The following LTBP1 variants were observed in gnomAD, a reference collection of about 807,000 sequenced individuals.
LTBP1 encodes latent-transforming growth factor beta-binding protein 1.
In LTBP1, 129 loss-of-function variants were observed where a neutral mutation model predicts 207.6. The observed-to-expected ratio is 0.62, with a 90% CI of 0.54 to 0.72. The LOEUF is 0.72. Ranked by LOEUF, LTBP1 falls within the 30% of genes least tolerant of loss-of-function variation. The probability of loss-of-function intolerance (pLI) is 0.00; values close to 1 mark genes in which losing one functional copy is unlikely to be tolerated. For missense variants in LTBP1, 2,281 were observed against 2,217.2 expected (o/e 1.03, Z -0.58); for synonymous variants, 963 against 833.7 (o/e 1.16, Z -2.67).
At position 33,003,333 on chromosome 2, in the gene LTBP1, C is replaced by T. The variant is rs1417530498; in HGVS notation, c.566-17576C>T. Among the ~76,000 whole-genome samples the T allele has an allele frequency of 1.3e-5, 2 of 152,294 alleles. 1 individual carries two copies. Among genetic ancestry groups the T allele is most frequent in the South Asian group, 4.1e-4 (2 of 4,824 alleles). On this transcript the variant is annotated intron_variant, in intron 2 of 33. Transcript: ENST00000404816. ...ACTAACTTCACTCCCTGCTTTGCTC[C>T]CCCTCCAAATGAGGCTTCTTTCAAC...
At chr2:33,163,056 A>G (rs2084597511) in intron 5 of LTBP1, among the ~76,000 whole-genome samples, 1 of 152,184 alleles carries the variant, frequency 6.6e-6, no homozygotes, top group Non-Finnish European at 1.5e-5. Context: ...ATCTCGGCTC[A>G]CTGCAACTTC....
chr2:33,256,009 G>T (rs991376430), intron 11 of LTBP1, among the ~76,000 whole-genome samples: 2 of 151,420 alleles, frequency 1.3e-5, no homozygotes, highest in Non-Finnish European at 2.9e-5. Context: ...TCTCCCCCTT[G>T]CCTTTCCCCT....
intron 2 of LTBP1, among the ~76,000 whole-genome samples, chr2:33,007,736 G>A (rs565365945): frequency 1.8e-4 from 28 of 152,316 alleles, no homozygotes; most frequent in Non-Finnish European, 2.2e-4. Context: ...ATTTTGGAGC[G>A]TGTGGGGGAT....
At chr2:33,043,020 A>G (rs928355858) in intron 3 of LTBP1, among the ~76,000 whole-genome samples, 4 of 152,100 alleles carry the variant, frequency 2.6e-5, no homozygotes, top group Admixed American at 6.5e-5. Context: ...GTTTGTGTAC[A>G]TGAGTATTTT....
chr2:33,299,631 G>A (rs2093946130), intron 20 of LTBP1, among the ~76,000 whole-genome samples: 1 of 152,174 alleles, frequency 6.6e-6, no homozygotes, highest in African/African-American at 2.4e-5. Context: ...ACATTCTGAG[G>A]CTGTATTTGC....
chr2:33,013,929 T>G (rs534786245), intron 2 of LTBP1, among the ~76,000 whole-genome samples: 2 of 152,172 alleles, frequency 1.3e-5, no homozygotes, highest in Admixed American at 6.5e-5. Context: ...CTTTGTGACT[T>G]GTAGTCCCTT....
At chr2:33,164,493 G>A (rs975642398) in intron 5 of LTBP1, among the ~76,000 whole-genome samples, 2 of 151,730 alleles carry the variant, frequency 1.3e-5, no homozygotes, top group Non-Finnish European at 2.9e-5. Flanking sequence ...ATGTGTTTAG[G>A]ATGTGGGCCT....
At chr2:33,288,758 G>A (rs1194584726) in intron 19 of LTBP1, among the ~76,000 whole-genome samples, 1 of 151,838 alleles carries the variant, frequency 6.6e-6, no homozygotes, top group African/African-American at 2.4e-5. Flanking sequence ...AGGAGGCTGA[G>A]GCAGGAGAAT....
chr2:33,309,566 G>A lies in LTBP1; in HGVS notation c.3604+10G>A. 2 of 1,600,910 alleles carry A rather than the reference G, an allele frequency of 1.2e-6. No homozygotes were observed. Among genetic ancestry groups the A allele is most frequent in the African/African-American group, 1.3e-5 (1 of 74,154 alleles). On this transcript the variant is annotated intron_variant, in intron 23 of 33. Transcript: ENST00000404816. ...AATAAAACATGTCAAGGTATTTCTTGCTCTTTTTTCCCCAGTCATTATTTA... is the reference window on the plus strand; with the variant it reads ...AATAAAACATGTCAAGGTATTTCTTACTCTTTTTTCCCCAGTCATTATTTA...
intron 2 of LTBP1, among the ~76,000 whole-genome samples, chr2:32,998,150 C>T (rs1289811170): frequency 1.3e-5 from 2 of 152,258 alleles, no homozygotes; most frequent in African/African-American, 4.8e-5. Context: ...ACCTAATAAT[C>T]AAATGGATCA....
intron 2 of LTBP1, among the ~76,000 whole-genome samples, chr2:32,996,872 G>C (rs1047844284): frequency 3.0e-4 from 45 of 152,028 alleles, no homozygotes; most frequent in African/African-American, 1.1e-3. Flanking sequence ...GGGTGGTATG[G>C]GTGGAACTTT....
intron 5 of LTBP1, among the ~76,000 whole-genome samples, chr2:33,136,110 T>G (rs2082125910): frequency 6.6e-6 from 1 of 152,208 alleles, no homozygotes; most frequent in East Asian, 1.9e-4. Context: ...TCAAAGCATA[T>G]TTTTGATCGT....
chr2:33,251,477 G>A (rs970745575), intron 10 of LTBP1, among the ~76,000 whole-genome samples: 4 of 152,092 alleles, frequency 2.6e-5, no homozygotes, highest in South Asian at 2.1e-4. Flanking sequence ...TGGCTAACAC[G>A]GTGAAACCCT....
intron 3 of LTBP1, among the ~76,000 whole-genome samples, chr2:33,105,336 A>G (rs1164118745): frequency 2.0e-5 from 3 of 152,214 alleles, no homozygotes; most frequent in Non-Finnish European, 4.4e-5. Context: ...ATGTACATTA[A>G]TTGTTTAAAA....
At chr2:33,355,834 G>T (rs1025791213) in intron 26 of LTBP1, among the ~76,000 whole-genome samples, 1 of 152,128 alleles carries the variant, frequency 6.6e-6, no homozygotes, top group African/African-American at 2.4e-5. Context: ...CTAGGTGTGC[G>T]TGTGTGTCCT....
At chr2:33,187,287 G>T (rs1293937762) in intron 6 of LTBP1, among the ~76,000 whole-genome samples, 1 of 152,134 alleles carries the variant, frequency 6.6e-6, no homozygotes, top group Non-Finnish European at 1.5e-5. Context: ...TAGTGTCTAG[G>T]AAATAAGAAA....
chr2:33,340,213 G>A (rs73925692), intron 24 of LTBP1, among the ~76,000 whole-genome samples: 2,466 of 146,672 alleles, frequency 0.017, 82 homozygotes, highest in African/African-American at 0.06. Flanking sequence ...AGCAGAGATC[G>A]CGCCCCTGCA....
At chr2:33,173,405 A>G (rs1306807374) in intron 5 of LTBP1, among the ~76,000 whole-genome samples, 2 of 152,214 alleles carry the variant, frequency 1.3e-5, no homozygotes, top group Non-Finnish European at 2.9e-5. Context: ...TAAAATCTAG[A>G]AGAAATGGAT....
Position 33,398,544 on chromosome 2 carries a change from G to A in LTBP1, c.5165G>A (p.Ter1722=), listed in dbSNP as rs756026442. 2.0e-5 allele frequency: 32 copies of A among 1,613,302 alleles called. No homozygotes were observed. Among genetic ancestry groups the A allele is most frequent in the Non-Finnish European group, 2.7e-5 (32 of 1,179,670 alleles). The change falls in exon 34 of 34, where the codon TGA becomes TAA. Residue 1722 remains the stop codon, a stop_retained_variant. Coordinates refer to ENST00000404816, the MANE Select transcript of LTBP1 (RefSeq NM_206943.4). ...LNLEKDSDLE[*] is the part of the protein sequence containing the mutation. ...TTAGAGAAAGACAGTGACCTGGAGTGAAACAGAATCTACATAACCTAAGCC... is the reference window on the plus strand; with the variant it reads ...TTAGAGAAAGACAGTGACCTGGAGTAAAACAGAATCTACATAACCTAAGCC...
Sources: allele counts gnomAD v4.1 joint callset (sites outside exome capture counted in the v4.1 genomes callset), GRCh38; gene constraint gnomAD v4.1.1; transcripts MANE v1.5; gene names NCBI Gene and HGNC (gene_info 2026-07-23, HGNC 2026-07-21).